Variants in PRUNE2 observed in about 807,000 individuals in gnomAD.
The protein encoded by PRUNE2 is prune homolog 2 with BCH domain.
PRUNE2 carries 164 observed loss-of-function variants against 252.0 expected under a neutral mutation model. That is an observed-to-expected ratio of 0.65 (90% confidence interval 0.57 to 0.74). The LOEUF (loss-of-function observed/expected upper bound fraction) is 0.74, where lower values mean the gene tolerates loss of function less well. Among genes scored for constraint, PRUNE2 ranks in the 30% least tolerant of loss-of-function variants. The pLI is 0.00. For missense variants in PRUNE2, 3,495 were observed against 3,711.0 expected, an observed-to-expected ratio of 0.94 and a Z score of 1.51; for synonymous variants, 1,292 against 1,350.2, an observed-to-expected ratio of 0.96 and a Z score of 0.94.
rs185709064 is a variant in PRUNE2, at chr9:76,855,957, T to C, written c.37-1749A>G. Among the ~76,000 whole-genome samples, 10 of 152,324 alleles carry C rather than the reference T, an allele frequency of 6.6e-5. No homozygotes were observed. The East Asian group carries it at 1.7e-3, about 26-fold the overall frequency. ...TTCCCCTGTGCAACACAGTCAAATA[T>C]TCTAGAAGCTCCTAAAGAAAGGTAG... On this transcript the variant is annotated intron_variant, in intron 1 of 18. Coordinates refer to ENST00000376718, the MANE Select transcript of PRUNE2 (RefSeq NM_015225.3).
At chr9:76,903,006 T>A (rs907172604) in intron 1 of PRUNE2, among the ~76,000 whole-genome samples, 1 of 152,248 alleles carries the variant, frequency 6.6e-6, no homozygotes, top group African/African-American at 2.4e-5. Context: ...TCCTAACTTA[T>A]TGGAAATCAG....
chr9:76,704,211 T>C (rs2046128829), intron 8 of PRUNE2, 112 bp from the exon 9 acceptor site: 4 of 460,858 alleles, frequency 8.7e-6, no homozygotes, highest in Non-Finnish European at 1.2e-5. Context: ...ATATTTTTTA[T>C]ATATTTTATT....
intron 6 of PRUNE2, chr9:76,758,926 A>G (rs1266459435): frequency 1.3e-5 from 2 of 152,188 alleles, no homozygotes; most frequent in East Asian, 1.9e-4. Context: ...CAGGCAACGT[A>G]GTCTAGGAGG....
At chr9:76,784,857 A>G (rs1473741402) in intron 6 of PRUNE2, 1 of 152,402 alleles carries the variant, frequency 6.6e-6, no homozygotes, top group African/African-American at 2.4e-5. Flanking sequence ...TTCATTTCCC[A>G]CTTTTGTGCC....
chr9:76,861,054 T>C (rs1231593275), intron 1 of PRUNE2, among the ~76,000 whole-genome samples: 1 of 151,912 alleles, frequency 6.6e-6, no homozygotes, highest in Non-Finnish European at 1.5e-5. Context: ...ACCCTACAGG[T>C]CCCTAACTCA....
intron 6 of PRUNE2, among the ~76,000 whole-genome samples, chr9:76,805,211 G>A (rs989693295): frequency 2.0e-5 from 3 of 152,174 alleles, no homozygotes; most frequent in Admixed American, 1.3e-4. Flanking sequence ...GCCCCCCACC[G>A]CATGCAAGTG....
intron 9 of PRUNE2, chr9:76,692,660 G>GA (rs2044898948): frequency 6.5e-6 from 1 of 154,816 alleles, no homozygotes; most frequent in African/African-American, 2.4e-5. Flanking sequence ...GCGACTGGGA[G>GA]AAAAAGGGGT....
intron 1 of PRUNE2, among the ~76,000 whole-genome samples, chr9:76,890,242 G>T (rs1051728148): frequency 1.3e-5 from 2 of 152,206 alleles, no homozygotes; most frequent in African/African-American, 4.8e-5. Context: ...AATAACATAT[G>T]TAGCTGCACA....
intron 11 of PRUNE2, among the ~76,000 whole-genome samples, chr9:76,650,120 G>C (rs1039386822): frequency 5.3e-5 from 8 of 152,028 alleles, no homozygotes; most frequent in African/African-American, 1.9e-4. Flanking sequence ...GGGCAACAAT[G>C]AGCTGTGTGA....
chr9:76,894,807 G>A (rs2062719755), intron 1 of PRUNE2, among the ~76,000 whole-genome samples: 1 of 151,748 alleles, frequency 6.6e-6, no homozygotes, highest in Admixed American at 6.6e-5. Context: ...ATCACCTGAG[G>A]TCAGGAGTTC....
chr9:76,799,509 G>A (rs1431439976), intron 6 of PRUNE2, among the ~76,000 whole-genome samples: 2 of 152,122 alleles, frequency 1.3e-5, no homozygotes, highest in Admixed American at 6.6e-5. Flanking sequence ...AGAATATGAT[G>A]TTCAGGATGT....
chr9:76,661,260 G>A (rs11999664), intron 9 of PRUNE2, among the ~76,000 whole-genome samples: 29,894 of 152,080 alleles, frequency 0.2, 3,026 homozygotes, highest in East Asian at 0.26. Context: ...TATCATTATT[G>A]TTAGTATTTT....
intron 1 of PRUNE2, among the ~76,000 whole-genome samples, chr9:76,881,345 T>A (rs139201980): frequency 2.4e-4 from 36 of 152,276 alleles, no homozygotes; most frequent in African/African-American, 8.2e-4. Context: ...ATAATAAAAA[T>A]GCCATGCATG....
At chr9:76,805,338 T>C (rs1473812333) in intron 6 of PRUNE2, among the ~76,000 whole-genome samples, 2 of 152,304 alleles carry the variant, frequency 1.3e-5, no homozygotes, top group Middle Eastern at 3.4e-3. Flanking sequence ...AGTTGTGGTG[T>C]GGCTGCGCAC....
intron 9 of PRUNE2, among the ~76,000 whole-genome samples, chr9:76,694,026 G>A (rs2045109957): frequency 6.6e-6 from 1 of 152,166 alleles, no homozygotes; most frequent in South Asian, 2.1e-4. Flanking sequence ...TGTATCTTGG[G>A]AATGTCTGCC....
intron 1 of PRUNE2, among the ~76,000 whole-genome samples, chr9:76,886,624 A>C (rs1393287161): frequency 3.9e-5 from 6 of 152,116 alleles, no homozygotes; most frequent in Non-Finnish European, 2.9e-5. Context: ...CAAGCCCCAA[A>C]TGCACTGTGT....
At chr9:76,770,355 A>G (rs1261413446) in intron 6 of PRUNE2, among the ~76,000 whole-genome samples, 1 of 152,186 alleles carries the variant, frequency 6.6e-6, no homozygotes, top group African/African-American at 2.4e-5. Context: ...GCATTAAAAT[A>G]TCAAGGATTT....
intron 5 of PRUNE2, among the ~76,000 whole-genome samples, chr9:76,826,019 C>G (rs1203568193): frequency 6.6e-6 from 1 of 152,130 alleles, no homozygotes; most frequent in African/African-American, 2.4e-5. Flanking sequence ...AATAATGCAC[C>G]TGAGATATGC....
At chr9:76,808,928 C>T (rs1361607382) in intron 6 of PRUNE2, 1 of 152,262 alleles carries the variant, frequency 6.6e-6, no homozygotes, top group Non-Finnish European at 1.5e-5. Context: ...CAGAAGGGAC[C>T]CAAACACTAG....
Sources: allele counts gnomAD v4.1 joint callset (sites outside exome capture counted in the v4.1 genomes callset), GRCh38; gene constraint gnomAD v4.1.1; transcripts MANE v1.5; gene names NCBI Gene and HGNC (gene_info 2026-07-23, HGNC 2026-07-21).